DNAH12: variants seen among roughly 807,000 people sequenced by gnomAD.
DNAH12 encodes dynein axonemal heavy chain 12.
DNAH12 carries 285 observed loss-of-function variants against 371.5 expected under a neutral mutation model. The ratio of observed to expected loss-of-function variants is 0.77; its 90% CI spans 0.70 to 0.85. DNAH12 has a LOEUF of 0.85. Among genes scored for constraint, DNAH12 ranks in the 40% least tolerant of loss-of-function variants. The pLI is 0.00. For missense variants in DNAH12, 3,611 were observed against 3,689.4 expected, an observed-to-expected ratio of 0.98 and a Z score of 0.55; for synonymous variants, 1,200 against 1,213.0, an observed-to-expected ratio of 0.99 and a Z score of 0.22.
rs116066702 is a variant in DNAH12 at position 57,542,782 on chromosome 3, A to G, written c.89T>C (p.Ile30Thr). 533 of 1,611,706 alleles carry G rather than the reference A, an allele frequency of 3.3e-4. 3 individuals are homozygous for G. In the African/African-American group the frequency reaches 4.9e-3, roughly 15 times the overall value. Residue 30 changes from isoleucine (I) to threonine (T), a missense_variant, in exon 2 of 74, where the codon ATA becomes ACA. Ile to Thr is a moderately conservative substitution (Grantham distance 89). Transcript: ENST00000495027. ...ACTTTGTGTTGGTGTATCAACGCCT[A>G]TGTTTTCTGGGAGATGGACAATGGG... is the stretch of plus-strand genomic sequence containing the variant. ...LPPIVHLPEN[I>T]GVDTPTQSKL...
chr3:57,309,977 T>C (rs992591575), intron 67 of DNAH12, 123 bp from the exon 68 acceptor site: 1 of 732,584 alleles, frequency 1.4e-6, no homozygotes, highest in Non-Finnish European at 2.0e-6. Flanking sequence ...AGCCAATTAA[T>C]AATTAACAGA....
At chr3:57,358,724 A>G (rs1040825783) in intron 58 of DNAH12, among the ~76,000 whole-genome samples, 9 of 152,182 alleles carry the variant, frequency 5.9e-5, no homozygotes, top group South Asian at 2.1e-4. Flanking sequence ...TTAAACTTTG[A>G]CTTTCAATTC....
At position 57,489,445 on chromosome 3, in the gene DNAH12, G is replaced by A. The variant is rs1010167294; in HGVS notation, c.1514+64C>T. On this transcript the variant is annotated intron_variant, in intron 12 of 73. Transcript: ENST00000495027. ...TTTAAGCTTTTGTTTTTAAACAAGA[G>A]TTACTTTAGCAAAATACTTCTTTTA... The A allele has an allele frequency of 3.6e-6, 5 of 1,406,940 alleles. No homozygotes were observed. In the African/African-American group the frequency reaches 7.5e-5, roughly 21 times the overall value. 87.2% of individuals were successfully genotyped at this position (1,406,940 alleles called of 1,614,324 possible). A position where few individuals can be genotyped will look rare whatever the true frequency, so the allele number is the denominator to read the frequency against.
intron 23 of DNAH12, 32 bp downstream of exon 23, chr3:57,454,743 A>T: frequency 6.5e-7 from 1 of 1,545,774 alleles, no homozygotes; most frequent in Non-Finnish European, 8.7e-7. Context: ...CCTGGAATGA[A>T]GGATGTTACT....
chr3:57,478,906 A>C lies in DNAH12; in HGVS notation c.1650+4470T>G, dbSNP rs368702035. Among the ~76,000 whole-genome samples, 23 of 152,282 alleles carry C rather than the reference A, an allele frequency of 1.5e-4. No individual in the cohort carries two copies. The East Asian group carries it at 2.9e-3, about 19-fold the overall frequency. On this transcript the variant is annotated intron_variant, in intron 13 of 73. Transcript: ENST00000495027. ...TTTTGTCACCACCAGGCCTGCCCTA[A>C]AAGAGCTCCTGAAGGAAGCGCTAAA...
chr3:57,359,853 C>T (rs2153327293), intron 58 of DNAH12, among the ~76,000 whole-genome samples: 1 of 152,152 alleles, frequency 6.6e-6, no homozygotes, highest in South Asian at 2.1e-4. Flanking sequence ...AGAGCCTTCC[C>T]TGAAGATGTT....
intron 4 of DNAH12, among the ~76,000 whole-genome samples, chr3:57,518,062 GA>G (rs1559744222): frequency 1.3e-5 from 2 of 149,958 alleles, no homozygotes; most frequent in African/African-American, 4.9e-5. Context: ...TCAAAAAACA[GA>G]AAACATAAAA....
At chr3:57,399,877 A>G (rs2063821458) in intron 43 of DNAH12, among the ~76,000 whole-genome samples, 1 of 152,218 alleles carries the variant, frequency 6.6e-6, no homozygotes, top group Non-Finnish European at 1.5e-5. Flanking sequence ...GTACTTTATT[A>G]TAAGAATACA....
intron 56 of DNAH12, among the ~76,000 whole-genome samples, chr3:57,367,619 A>T (rs2063079750): frequency 6.6e-6 from 1 of 152,200 alleles, no homozygotes; most frequent in Admixed American, 6.5e-5. Flanking sequence ...AACTCAACTC[A>T]GGCCCACATT....
At chr3:57,334,746 C>A (rs769976114) in intron 61 of DNAH12, 36 bp downstream of exon 61, 2 of 1,527,766 alleles carry the variant, frequency 1.3e-6, no homozygotes, top group Non-Finnish European at 1.8e-6. Context: ...TTACATATTG[C>A]CATTCAATGA....
intron 62 of DNAH12, among the ~76,000 whole-genome samples, chr3:57,328,200 A>T (rs1451486768): frequency 6.6e-6 from 1 of 151,206 alleles, no homozygotes; most frequent in Admixed American, 6.6e-5. Context: ...AATCCTCCCT[A>T]ACTCATTTTA....
At chr3:57,400,853 T>C (rs2153351022) in intron 43 of DNAH12, among the ~76,000 whole-genome samples, 1 of 152,326 alleles carries the variant, frequency 6.6e-6, no homozygotes, top group South Asian at 2.1e-4. Flanking sequence ...TTGAACATTG[T>C]AGACCAACTG....
intron 37 of DNAH12, among the ~76,000 whole-genome samples, chr3:57,416,031 A>G (rs1315890873): frequency 1.3e-5 from 2 of 151,556 alleles, no homozygotes; most frequent in South Asian, 4.2e-4. Flanking sequence ...CAAGTAATCC[A>G]CCTGCCTTGG....
chr3:57,449,817 GCTC>G (rs1323839762), intron 25 of DNAH12, among the ~76,000 whole-genome samples: 5 of 152,232 alleles, frequency 3.3e-5, no homozygotes, highest in Admixed American at 6.5e-5. Context: ...GGGCCGAAGG[GCTC>G]CTCAAGTGCC....
In DNAH12 at chr3:57,479,114, A is replaced by C. The variant is rs2066642593; in HGVS notation, c.1650+4262T>G. Among the ~76,000 whole-genome samples the C allele has an allele frequency of 3.4e-5, 5 of 149,236 alleles. No individual in the cohort carries two copies. In the South Asian group the frequency reaches 1.1e-3, roughly 33 times the overall value. On this transcript the variant is annotated intron_variant, in intron 13 of 73. Coordinates refer to ENST00000495027, the MANE Select transcript of DNAH12 (RefSeq NM_001366028.2). ...ATAAATGGGCTAAATGCTCCAATTAAAAGACACAGACTGGCAAATTGGATA... is the reference window on the plus strand; with the variant it reads ...ATAAATGGGCTAAATGCTCCAATTACAAGACACAGACTGGCAAATTGGATA...
At chr3:57,543,470 G>A (rs1220851770) in intron 1 of DNAH12, among the ~76,000 whole-genome samples, 4 of 150,904 alleles carry the variant, frequency 2.7e-5, no homozygotes, top group South Asian at 2.1e-4. Context: ...CTACAGGTGC[G>A]CAACCACGCC....
chr3:57,404,037 A>C (rs2063950186), intron 42 of DNAH12, among the ~76,000 whole-genome samples: 1 of 152,184 alleles, frequency 6.6e-6, no homozygotes, highest in Non-Finnish European at 1.5e-5. Context: ...ACTTTAAAAG[A>C]TGTTTTGGCA....
chr3:57,420,908 C>CAAAAAAAA (rs369971376), intron 36 of DNAH12, among the ~76,000 whole-genome samples: 17 of 77,980 alleles, frequency 2.2e-4, no homozygotes, highest in African/African-American at 6.3e-4. Flanking sequence ...GACTCCGTCT[C>CAAAAAAAA]AAAAAAAAAA....
chr3:57,464,820 GATA>G (rs2066151944), intron 17 of DNAH12, among the ~76,000 whole-genome samples: 1 of 152,136 alleles, frequency 6.6e-6, no homozygotes, highest in African/African-American at 2.4e-5. Context: ...ACATTTAAAA[GATA>G]ATAAAGAAAT....
Sources: allele counts gnomAD v4.1 joint callset (sites outside exome capture counted in the v4.1 genomes callset), GRCh38; gene constraint gnomAD v4.1.1; transcripts MANE v1.5; gene names NCBI Gene and HGNC (gene_info 2026-07-23, HGNC 2026-07-21).